Variants in HECW2 observed in about 807,000 individuals in gnomAD.
HECW2 encodes the protein E3 ubiquitin-protein ligase HECW2.
A neutral mutation model predicts 175.2 loss-of-function variants in HECW2; 61 were observed. The observed-to-expected ratio is 0.35, with a 90% CI of 0.28 to 0.43. HECW2 has a LOEUF of 0.43. Ranked by LOEUF, HECW2 falls within the 20% of genes least tolerant of loss-of-function variation. The pLI is 1.00. For missense variants in HECW2, 1,524 were observed against 2,000.5 expected (o/e 0.76, Z 4.54); for synonymous variants, 671 against 731.0 (o/e 0.92, Z 1.32).
chr2:196,242,737 G>A (rs1688506408), intron 19 of HECW2: 1 of 142,456 alleles, frequency 7.0e-6, no homozygotes, highest in Non-Finnish European at 1.5e-5. Flanking sequence ...TCACCCAGCA[G>A]GCTGGAGTGC....
chr2:196,544,702 G>A (rs1007297429), intron 1 of HECW2, among the ~76,000 whole-genome samples: 2 of 152,218 alleles, frequency 1.3e-5, no homozygotes, highest in East Asian at 1.9e-4. Flanking sequence ...CACAAAGCTG[G>A]CCAGATGACA....
intron 1 of HECW2, among the ~76,000 whole-genome samples, chr2:196,542,872 A>C: frequency 6.8e-6 from 1 of 147,260 alleles, no homozygotes; most frequent in East Asian, 2.0e-4. Flanking sequence ...TACATATCTA[A>C]TATATATCTA....
intron 2 of HECW2, among the ~76,000 whole-genome samples, chr2:196,374,807 C>T (rs998318029): frequency 2.7e-5 from 4 of 149,062 alleles, no homozygotes; most frequent in Admixed American, 6.7e-5. Flanking sequence ...AAAGCATAGA[C>T]GTGGGATACA....
At chr2:196,317,395 A>C (rs1486961133) in intron 9 of HECW2, 26 bp from the exon 10 acceptor site, 3 of 1,531,440 alleles carry the variant, frequency 2.0e-6, no homozygotes, top group African/African-American at 2.7e-5. Context: ...GAAAGTTACC[A>C]GGTATTGTTT....
At chr2:196,528,745 T>C (rs1193366850) in intron 1 of HECW2, among the ~76,000 whole-genome samples, 1 of 152,236 alleles carries the variant, frequency 6.6e-6, no homozygotes, top group Non-Finnish European at 1.5e-5. Context: ...CTAGTTCTAA[T>C]AAAAGAATGA....
intron 1 of HECW2, among the ~76,000 whole-genome samples, chr2:196,573,693 T>C (rs946054590): frequency 3.3e-5 from 5 of 152,126 alleles, no homozygotes; most frequent in African/African-American, 4.8e-5. Flanking sequence ...TGCCGAACAC[T>C]GCGGATGCCT....
At chr2:196,253,373 A>C (rs1267581924) in intron 19 of HECW2, among the ~76,000 whole-genome samples, 1 of 152,116 alleles carries the variant, frequency 6.6e-6, no homozygotes, top group Non-Finnish European at 1.5e-5. Flanking sequence ...TCATCCACCC[A>C]TTCATCCACC....
At position 196,319,632 on chromosome 2, in the gene HECW2, A is replaced by G; in HGVS notation, c.1258T>C (p.Leu420=). ...RGRQDSLNDY[L]DAIEHNGHSR... ...TGGCCATTGTGTTCGATAGCATCTA[A>G]GTAATCATTGAGTGAATCCTGACGT... The change falls in exon 9 of 29, where the codon TTA becomes CTA. Residue 420 remains leucine, a synonymous_variant. Coordinates refer to ENST00000644978, the MANE Select transcript of HECW2 (RefSeq NM_001348768.2). 6.2e-7 allele frequency: 1 copy of G among 1,614,240 alleles called. No homozygotes were observed. Among genetic ancestry groups the G allele is most frequent in the Non-Finnish European group, 8.5e-7 (1 of 1,180,036 alleles).
At position 196,197,248 on chromosome 2, in the gene HECW2, A is replaced by G. The variant is rs568875478; in HGVS notation, c.*4029T>C. 6.6e-6 allele frequency: 1 copy of G among 151,754 alleles called. No homozygotes were observed. Among genetic ancestry groups the G allele is most frequent in the Non-Finnish European group, 1.5e-5 (1 of 67,978 alleles). The allele number at this position is 151,754 out of a possible 1,614,324, so 9.4% of individuals were successfully genotyped here. A position where few individuals can be genotyped will look rare whatever the true frequency, so the allele number is the denominator to read the frequency against. On this transcript the variant is annotated 3_prime_UTR_variant, in exon 29 of 29. Coordinates refer to ENST00000644978, the MANE Select transcript of HECW2 (RefSeq NM_001348768.2). ...AGTTTCCTGAATAAGGTTAAATTGA[A>G]CAGACTCCTATCTTCATTATAAGAT...
chr2:196,358,321 C>T (rs1693455012), intron 2 of HECW2, among the ~76,000 whole-genome samples: 1 of 150,774 alleles, frequency 6.6e-6, no homozygotes, highest in Non-Finnish European at 1.5e-5. Flanking sequence ...TACCTGTAAT[C>T]CCAGCACTTT....
chr2:196,330,249 A>T (rs1468483067), intron 4 of HECW2, among the ~76,000 whole-genome samples: 8 of 152,226 alleles, frequency 5.3e-5, no homozygotes. Context: ...TGAGTAAATT[A>T]TACCTCACAA....
rs542773785 is a variant in HECW2 at position 196,536,525 on chromosome 2, T to A, written c.-36+56983A>T. 3.9e-5 allele frequency among the ~76,000 whole-genome samples: 6 copies of A among 152,316 alleles called. No individual in the cohort carries two copies. The East Asian group carries it at 1.2e-3, about 29-fold the overall frequency. ...CTATGTATCTCTGTTCCCACCAACC[T>A]TAAAAATTCCTCTACCGACAAGCGA... On this transcript the variant is annotated intron_variant, in intron 1 of 28. Transcript: ENST00000644978.
intron 2 of HECW2, among the ~76,000 whole-genome samples, chr2:196,407,715 T>C (rs996480352): frequency 6.6e-6 from 1 of 152,192 alleles, no homozygotes; most frequent in East Asian, 1.9e-4. Flanking sequence ...ATGAAAACAA[T>C]GTATTGAACT....
intron 1 of HECW2, among the ~76,000 whole-genome samples, chr2:196,505,291 C>A (rs1299595434): frequency 6.6e-6 from 1 of 152,168 alleles, no homozygotes; most frequent in African/African-American, 2.4e-5. Context: ...GTAATCCCAG[C>A]ACTTTGGGAA....
intron 1 of HECW2, among the ~76,000 whole-genome samples, chr2:196,514,247 G>C (rs1688063163): frequency 6.6e-6 from 1 of 152,196 alleles, no homozygotes; most frequent in African/African-American, 2.4e-5. Context: ...TCACAACCCA[G>C]CCAGGTGTGC....
intron 2 of HECW2, among the ~76,000 whole-genome samples, chr2:196,374,042 AAATAAAAT>A (rs1559074070): frequency 7.5e-6 from 1 of 134,100 alleles, no homozygotes; most frequent in African/African-American, 3.8e-5. Context: ...AAAAAAAATA[AAATAAAAT>A]AAATAAATAA....
intron 13 of HECW2, among the ~76,000 whole-genome samples, chr2:196,298,996 C>T (rs915581710): frequency 2.6e-5 from 4 of 152,090 alleles, no homozygotes; most frequent in African/African-American, 7.2e-5. Flanking sequence ...AAGTAATGCC[C>T]TTTAGAAAAA....
At chr2:196,532,638 A>C (rs1026126572) in intron 1 of HECW2, among the ~76,000 whole-genome samples, 5 of 152,078 alleles carry the variant, frequency 3.3e-5, no homozygotes, top group Non-Finnish European at 4.4e-5. Context: ...AATTTAAAAA[A>C]TAGTATGTGC....
intron 1 of HECW2, among the ~76,000 whole-genome samples, chr2:196,446,040 A>T (rs542132606): frequency 6.6e-6 from 1 of 152,230 alleles, no homozygotes; most frequent in Non-Finnish European, 1.5e-5. Flanking sequence ...CCCCTATCTC[A>T]TGCAGAGAAA....
Sources: allele counts gnomAD v4.1 joint callset (sites outside exome capture counted in the v4.1 genomes callset), GRCh38; gene constraint gnomAD v4.1.1; transcripts MANE v1.5; gene names NCBI Gene and HGNC (gene_info 2026-07-23, HGNC 2026-07-21).